Variants in C19orf67 observed in about 807,000 individuals in gnomAD.
C19orf67 encodes the protein UPF0575 protein C19orf67.
A neutral mutation model predicts 41.4 loss-of-function variants in C19orf67; 28 were observed. The observed-to-expected ratio is 0.68, with a 90% confidence interval of 0.50 to 0.93. The LOEUF is 0.93. C19orf67 is among the 40% of genes least tolerant of loss of function. The pLI is 0.00. For synonymous variants in C19orf67, 242 were observed against 203.4 expected, an observed-to-expected ratio of 1.19 and a Z score of -1.62; for missense variants, 421 against 467.0, an observed-to-expected ratio of 0.90 and a Z score of 0.91.
Position 14,083,736 on chromosome 19 carries a change from C to G in C19orf67, c.477G>C (p.Lys159Asn), listed in dbSNP as rs917364212. 2.8e-6 allele frequency: 4 copies of G among 1,451,186 alleles called. No individual in the cohort carries two copies. Among genetic ancestry groups the G allele is most frequent in the Non-Finnish European group, 3.6e-6 (4 of 1,102,870 alleles). 89.9% of individuals were successfully genotyped at this position (1,451,186 alleles called of 1,614,324 possible). The change falls in exon 2 of 6, where the codon AAG becomes AAC. Residue 159 changes from lysine (K) to asparagine (N), a missense_variant. Physicochemically the swap from Lys to Asn is moderately conservative, Grantham distance 94. Around this residue, in one of 3 missense-constraint regions of C19orf67, gnomAD observed 253 missense variants for 307.0 expected, o/e 0.82. Transcript: ENST00000548523. ...IYGPLQELVRKGLLEISQQLT... is the reference protein window; with the variant it reads ...IYGPLQELVRNGLLEISQQLT... ...GGTCTAAGAAACCTCCACACACCCC[C>G]TTTCGGACCAGCTCCTGCAGGGGTC...
intron 1 of C19orf67, among the ~76,000 whole-genome samples, chr19:14,084,662 C>T (rs1229402988): frequency 6.6e-6 from 1 of 152,032 alleles, no homozygotes; most frequent in Admixed American, 6.6e-5. Context: ...GAAACTCTGT[C>T]TCTACTAAGA....
At position 14,083,725 on chromosome 19, in the gene C19orf67, C is replaced by T. The variant is rs1294204876; in HGVS notation, c.480+8G>A. 2.1e-6 allele frequency: 3 copies of T among 1,458,930 alleles called. No homozygotes were observed. In the African/African-American group the frequency reaches 4.3e-5, roughly 21 times the overall value. 90.4% of individuals were successfully genotyped at this position (1,458,930 alleles called of 1,614,324 possible). Reference sequence around the variant, plus strand: ...AAGGGGCGTGGGGTCTAAGAAACCTCCACACACCCCCTTTCGGACCAGCTC... The same window carrying T: ...AAGGGGCGTGGGGTCTAAGAAACCTTCACACACCCCCTTTCGGACCAGCTC... On this transcript the variant is annotated splice_region_variant and intron_variant, in intron 2 of 5. Coordinates refer to ENST00000548523, the MANE Select transcript of C19orf67 (RefSeq NM_001277378.2).
At position 14,085,566 on chromosome 19, in the gene C19orf67, G is replaced by A. The variant is rs1441919907; in HGVS notation, c.62C>T (p.Pro21Leu). The stretch of plus-strand genomic sequence containing the variant: ...CGGCGTCCCAGGTTCCAAGGCGTCT[G>A]GAGGCGGTGTTTCTCCAGGGTCCAG... ...LPLDPGETPP[P>L]DALEPGTPPC... The change falls in exon 1 of 6, where the codon CCA (proline) becomes CTA (leucine). Residue 21 changes from proline to leucine, a missense_variant. Pro to Leu is a moderately conservative substitution (Grantham distance 98). Coordinates refer to ENST00000548523, the MANE Select transcript of C19orf67 (RefSeq NM_001277378.2). 1 of 1,535,338 alleles carries A rather than the reference G, an allele frequency of 6.5e-7. No homozygotes were observed.
intron 2 of C19orf67, 31 bp from the exon 3 acceptor site, chr19:14,083,636 A>T: frequency 6.5e-7 from 1 of 1,533,054 alleles, no homozygotes. Flanking sequence ...CAGTGAGATC[A>T]GCTGGCCTGC....
At position 14,085,434 on chromosome 19, in the gene C19orf67, G is replaced by T; in HGVS notation, c.194C>A (p.Thr65Lys). The change falls in exon 1 of 6, where the codon ACG (threonine) becomes AAG (lysine). Residue 65 changes from threonine to lysine, a missense_variant. Around this residue, in one of 3 missense-constraint regions of C19orf67, gnomAD observed 160 missense variants for 139.2 expected, o/e 1.15. Transcript: ENST00000548523. ...EGRLAEARASTSSPKPLVPRP... is the reference protein window; with the variant it reads ...EGRLAEARASKSSPKPLVPRP... ...GGGGACCAGAGGTTTGGGGGAAGAC[G>T]TGGAGGCCCGGGCCTCAGCCAGCCG... 1.3e-6 allele frequency: 2 copies of T among 1,535,846 alleles called. No individual in the cohort carries two copies. Among genetic ancestry groups the T allele is most frequent in the Non-Finnish European group, 1.7e-6 (2 of 1,146,816 alleles).
Position 14,085,497 on chromosome 19 carries a change from C to T in C19orf67, c.131G>A (p.Gly44Glu), listed in dbSNP as rs1976842348. 10 of 1,535,338 alleles carry T rather than the reference C, an allele frequency of 6.5e-6. No homozygotes were observed. The highest frequency in any genetic ancestry group is 7.0e-6 in the Non-Finnish European group (8 of 1,146,762). ...TTCAGGATCCGGCTCAGATGGGTTCCCAGGCCTGCCAGGGGGCGTCGACCT... is the reference window on the plus strand; with the variant it reads ...TTCAGGATCCGGCTCAGATGGGTTCTCAGGCCTGCCAGGGGGCGTCGACCT... The part of the protein sequence containing the change: ...PSRSTPPGRP[G>E]NPSEPDPEDA... The change falls in exon 1 of 6, where the codon GGG (glycine) becomes GAG (glutamate). Residue 44 changes from glycine (G) to glutamate (E), a missense_variant. Gly to Glu is a moderately conservative substitution (Grantham distance 98). Around this residue, in one of 3 missense-constraint regions of C19orf67, gnomAD observed 160 missense variants for 139.2 expected, o/e 1.15. Coordinates refer to ENST00000548523, the MANE Select transcript of C19orf67 (RefSeq NM_001277378.2).
chr19:14,083,770 G>T lies in C19orf67; in HGVS notation c.443C>A (p.Pro148His). 7.0e-7 allele frequency: 1 copy of T among 1,428,798 alleles called. No homozygotes were observed. Among genetic ancestry groups the T allele is most frequent in the Non-Finnish European group, 9.1e-7 (1 of 1,093,146 alleles). The allele number at this position is 1,428,798 out of a possible 1,614,324, so 88.5% of individuals were successfully genotyped here. Residue 148 changes from proline to histidine, a missense_variant, in exon 2 of 6, where the codon CCC becomes CAC. Physicochemically the swap from Pro to His is moderately conservative, Grantham distance 77 (BLOSUM62 -2). This residue lies in a region of C19orf67 where 253 missense variants were observed against 307.0 expected (regional missense o/e 0.82). Coordinates refer to ENST00000548523, the MANE Select transcript of C19orf67 (RefSeq NM_001277378.2). ...CAGCTCCTGCAGGGGTCCATAGATG[G>T]GGGGTATGCTTCTCGCGGCTGCCTC... Reference protein sequence around the residue: ...YLEAAARSIPPIYGPLQELVR... With the variant: ...YLEAAARSIPHIYGPLQELVR...
rs531094746 is a variant in C19orf67, at chr19:14,085,501, G to A, written c.127C>T (p.Pro43Ser). 1.1e-3 allele frequency: 1,720 copies of A among 1,535,496 alleles called. 18 individuals are homozygous for A. The African/African-American group carries it at 0.021, about 19-fold the overall frequency. The part of the protein sequence containing the change: ...DPSRSTPPGR[P>S]GNPSEPDPED... ...GGATCCGGCTCAGATGGGTTCCCAG[G>A]CCTGCCAGGGGGCGTCGACCTGGAG... Residue 43 changes from proline to serine, a missense_variant, in exon 1 of 6, where the codon CCT (proline) becomes TCT (serine). Pro to Ser is a moderately conservative substitution (Grantham distance 74, BLOSUM62 -1). Transcript: ENST00000548523.
chr19:14,081,752 C>T lies in C19orf67; in HGVS notation c.*82G>A. ...TGGAAGGCGAGGCCGGGCTGCACTG[C>T]GAGAACGAGTGAGCCCCTCCCCTGC... is the stretch of plus-strand genomic sequence containing the variant. On this transcript the variant is annotated 3_prime_UTR_variant, in exon 6 of 6. Transcript: ENST00000548523. 1 of 1,231,290 alleles carries T rather than the reference C, an allele frequency of 8.1e-7. No individual in the cohort carries two copies. The highest frequency in any genetic ancestry group is 1.1e-6 in the Non-Finnish European group (1 of 925,936). 76.3% of individuals were successfully genotyped at this position (1,231,290 alleles called of 1,614,324 possible).
At chr19:14,083,986 AG>A in intron 1 of C19orf67, 109 bp from the exon 2 acceptor site, 1 of 1,072,520 alleles carries the variant, frequency 9.3e-7, no homozygotes, top group Non-Finnish European at 1.2e-6. Flanking sequence ...TTGACCCATT[AG>A]AAAAGCCCCC....
chr19:14,085,023 GAC>G (rs1308193817), intron 1 of C19orf67, among the ~76,000 whole-genome samples: 1 of 152,178 alleles, frequency 6.6e-6, no homozygotes, highest in African/African-American at 2.4e-5. Context: ...CAAAATGTAA[GAC>G]AGCACTTAAA....
rs1238730513 is a variant in C19orf67 at position 14,083,381 on chromosome 19, G to A, written c.623C>T (p.Ser208Phe). The A allele has an allele frequency of 6.5e-6, 10 of 1,534,754 alleles. No individual in the cohort carries two copies. The Admixed American group carries it at 2.0e-4, about 30-fold the overall frequency. The change falls in exon 4 of 6, where the codon TCC becomes TTC. Residue 208 changes from serine (S) to phenylalanine (F), a missense_variant. By Grantham distance (155) the Ser-to-Phe change is radical (BLOSUM62 -2). Coordinates refer to ENST00000548523, the MANE Select transcript of C19orf67 (RefSeq NM_001277378.2). ...FFCGRFSISL[S>F]HEVSIFRYCA... ...GTATCTGAAGATGGAGACCTCATGG[G>A]ACAGGCTGATGGAGAACCTCCCGCA...
At chr19:14,085,038 C>T (rs1670143982) in intron 1 of C19orf67, among the ~76,000 whole-genome samples, 1 of 152,204 alleles carries the variant, frequency 6.6e-6, no homozygotes, top group Non-Finnish European at 1.5e-5. Flanking sequence ...CACTTAAAAA[C>T]TGGGAGAAAA....
Position 14,083,748 on chromosome 19 carries a change from C to G in C19orf67, c.465G>C (p.Glu155Asp). 6.9e-7 allele frequency: 1 copy of G among 1,445,488 alleles called. No individual in the cohort carries two copies. Among genetic ancestry groups the G allele is most frequent in the South Asian group, 1.4e-5 (1 of 70,404 alleles). The allele number at this position is 1,445,488 out of a possible 1,614,324, so 89.5% of individuals were successfully genotyped here. ...SIPPIYGPLQELVRKGLLEIS... is the reference protein window; with the variant it reads ...SIPPIYGPLQDLVRKGLLEIS... ...CTCCACACACCCCCTTTCGGACCAG[C>G]TCCTGCAGGGGTCCATAGATGGGGG... The change falls in exon 2 of 6, where the codon GAG becomes GAC. Residue 155 changes from glutamate to aspartate, a missense_variant. This residue lies in a region of C19orf67 where 253 missense variants were observed against 307.0 expected (regional missense o/e 0.82). Coordinates refer to ENST00000548523, the MANE Select transcript of C19orf67 (RefSeq NM_001277378.2).
At position 14,085,462 on chromosome 19, in the gene C19orf67, C is replaced by T. The variant is rs1976841403; in HGVS notation, c.166G>A (p.Gly56Arg). 1.3e-6 allele frequency: 2 copies of T among 1,535,364 alleles called. No homozygotes were observed. Among genetic ancestry groups the T allele is most frequent in the African/African-American group, 1.4e-5 (1 of 73,030 alleles). The change falls in exon 1 of 6, where the codon GGG (glycine) becomes AGG (arginine). Residue 56 changes from glycine to arginine, a missense_variant. Gly to Arg is a moderately radical substitution (Grantham distance 125). This residue lies in a region of C19orf67 where 160 missense variants were observed against 139.2 expected (regional missense o/e 1.15). Transcript: ENST00000548523. ...GAGGCCCGGGCCTCAGCCAGCCGCC[C>T]CTCGGCATCTTCAGGATCCGGCTCA... ...PSEPDPEDAE[G>R]RLAEARASTS...
At position 14,083,621 on chromosome 19, in the gene C19orf67, G is replaced by C; in HGVS notation, c.481-16C>G. ...TCTCTAACAGCTGCATACAAGAGGG[G>C]GGTACAGTGAGATCAGCTGGCCTGC... On this transcript the variant is annotated splice_polypyrimidine_tract_variant and intron_variant, in intron 2 of 5. Coordinates refer to ENST00000548523, the MANE Select transcript of C19orf67 (RefSeq NM_001277378.2). The C allele has an allele frequency of 6.5e-7, 1 of 1,534,986 alleles. No individual in the cohort carries two copies. The highest frequency in any genetic ancestry group is 8.7e-7 in the Non-Finnish European group (1 of 1,146,022).
intron 1 of C19orf67, among the ~76,000 whole-genome samples, chr19:14,085,000 C>T (rs1976830595): frequency 6.6e-6 from 1 of 152,174 alleles, no homozygotes; most frequent in Non-Finnish European, 1.5e-5. Context: ...TCTTGTTTAG[C>T]CAGCACAGGG....
rs1161798665 is a variant in C19orf67, at chr19:14,082,531, C to T, written c.840G>A (p.Gln280=). The change falls in exon 5 of 6, where the codon CAG becomes CAA. Residue 280 remains glutamine, a synonymous_variant. Transcript: ENST00000548523. ...QSPANSCPQI[Q]KLWSIGRWVP... ...CCCATCGGCCGATGGACCACAGCTT[C>T]TGGATCTGTGGGCACGAATTGGCTG... is the stretch of plus-strand genomic sequence containing the variant. 10 of 1,536,242 alleles carry T rather than the reference C, an allele frequency of 6.5e-6. No individual in the cohort carries two copies. Among genetic ancestry groups the T allele is most frequent in the Non-Finnish European group, 8.7e-6 (10 of 1,146,936 alleles).
At position 14,081,694 on chromosome 19, in the gene C19orf67, T is replaced by G. The variant is rs1976769434; in HGVS notation, c.*140A>C. Reference sequence around the variant, plus strand: ...TCAGGGCCCCACGGCCAAGCCGGACTCGGTGCAGACAGGTCAGCTCGGCCT... The same window carrying G: ...TCAGGGCCCCACGGCCAAGCCGGACGCGGTGCAGACAGGTCAGCTCGGCCT... On this transcript the variant is annotated 3_prime_UTR_variant, in exon 6 of 6. Transcript: ENST00000548523. 1 of 633,406 alleles carries G rather than the reference T, an allele frequency of 1.6e-6. No homozygotes were observed. Among genetic ancestry groups the G allele is most frequent in the Non-Finnish European group, 2.4e-6 (1 of 410,108 alleles). The allele number at this position is 633,406 out of a possible 1,614,324, so 39.2% of individuals were successfully genotyped here.
Sources: allele counts gnomAD v4.1 joint callset (sites outside exome capture counted in the v4.1 genomes callset), GRCh38; gene constraint gnomAD v4.1.1; regional missense constraint gnomAD v4.1.1; transcripts MANE v1.5; gene names NCBI Gene and HGNC (gene_info 2026-07-23, HGNC 2026-07-21).